Variants in SKAP1 observed in about 807,000 individuals in gnomAD.
SKAP1 encodes the protein src kinase associated phosphoprotein 1.
A neutral mutation model predicts 58.5 loss-of-function variants in SKAP1; 44 were observed. The ratio of observed to expected loss-of-function variants is 0.75; its 90% CI spans 0.59 to 0.97. The LOEUF (loss-of-function observed/expected upper bound fraction) is 0.97, where lower values mean the gene tolerates loss of function less well. Ranked by LOEUF, SKAP1 falls within the 50% of genes least tolerant of loss-of-function variation. SKAP1 has a pLI of 0.00. For missense variants in SKAP1, 390 were observed against 435.2 expected, an observed-to-expected ratio of 0.90 and a Z score of 0.92; for synonymous variants, 127 against 149.7, an observed-to-expected ratio of 0.85 and a Z score of 1.11.
chr17:48,268,329 G>A (rs2065582588), intron 4 of SKAP1, among the ~76,000 whole-genome samples: 1 of 150,512 alleles, frequency 6.6e-6, no homozygotes, highest in Non-Finnish European at 1.5e-5. Flanking sequence ...AGTCCTAAAT[G>A]ACAATTTTCT....
At chr17:48,324,347 T>G (rs1469180831) in intron 4 of SKAP1, among the ~76,000 whole-genome samples, 1 of 152,280 alleles carries the variant, frequency 6.6e-6, no homozygotes, top group East Asian at 1.9e-4. Flanking sequence ...ACCAATCCCA[T>G]GTAATTAGAC....
intron 4 of SKAP1, among the ~76,000 whole-genome samples, chr17:48,239,247 G>A (rs867985624): frequency 6.6e-6 from 1 of 152,140 alleles, no homozygotes; most frequent in South Asian, 2.1e-4. Context: ...AAAGAATTTC[G>A]ACTTGACAAT....
intron 4 of SKAP1, among the ~76,000 whole-genome samples, chr17:48,327,775 G>A (rs774472926): frequency 6.6e-6 from 1 of 152,104 alleles, no homozygotes; most frequent in Non-Finnish European, 1.5e-5. Flanking sequence ...ACAGGTGCGT[G>A]CCACCACACC....
intron 10 of SKAP1, 24 bp from the exon 11 acceptor site, chr17:48,162,593 A>G: frequency 6.4e-7 from 1 of 1,574,356 alleles, no homozygotes; most frequent in Non-Finnish European, 8.7e-7. Context: ...GGAGAAATCA[A>G]AGTTAAAAGG....
intron 4 of SKAP1, among the ~76,000 whole-genome samples, chr17:48,309,545 A>G (rs1304452946): frequency 6.6e-6 from 1 of 152,094 alleles, no homozygotes; most frequent in Non-Finnish European, 1.5e-5. Flanking sequence ...CCTTGTTTGT[A>G]TAAGGAAGGG....
At chr17:48,302,926 G>GAAT (rs2066080960) in intron 4 of SKAP1, among the ~76,000 whole-genome samples, 1 of 152,074 alleles carries the variant, frequency 6.6e-6, no homozygotes, top group Non-Finnish European at 1.5e-5. Context: ...AAATCACAGT[G>GAAT]AATAATAATT....
intron 9 of SKAP1, among the ~76,000 whole-genome samples, chr17:48,177,025 A>G (rs1252018184): frequency 6.6e-6 from 1 of 152,234 alleles, no homozygotes; most frequent in Admixed American, 6.5e-5. Flanking sequence ...AACAAATGTT[A>G]GAGGCCCACA....
intron 4 of SKAP1, among the ~76,000 whole-genome samples, chr17:48,265,521 C>T (rs577895881): frequency 1.3e-4 from 20 of 151,746 alleles, no homozygotes; most frequent in African/African-American, 4.8e-4. Context: ...AGCAAGCAAG[C>T]AAGCAAGCAA....
At chr17:48,237,437 C>A (rs1015557949) in intron 4 of SKAP1, among the ~76,000 whole-genome samples, 16 of 152,174 alleles carry the variant, frequency 1.1e-4, no homozygotes, top group African/African-American at 3.6e-4. Context: ...CTGTTCCAAA[C>A]CTATAAATCA....
chr17:48,146,113 A>G (rs1317183228), intron 11 of SKAP1, among the ~76,000 whole-genome samples: 1 of 151,944 alleles, frequency 6.6e-6, no homozygotes, highest in Non-Finnish European at 1.5e-5. Context: ...AAAAAATACA[A>G]TGGTCTTTAT....
chr17:48,342,200 G>A (rs956064367), intron 4 of SKAP1, among the ~76,000 whole-genome samples: 1 of 152,090 alleles, frequency 6.6e-6, no homozygotes, highest in South Asian at 2.1e-4. Flanking sequence ...TATGCTTTTA[G>A]TTCAGAAATC....
chr17:48,226,912 T>TG (rs1296113638), intron 4 of SKAP1, among the ~76,000 whole-genome samples: 12 of 152,210 alleles, frequency 7.9e-5, no homozygotes, highest in Admixed American at 4.6e-4. Context: ...GGCAGGTTGT[T>TG]GCGATTCCAA....
chr17:48,195,121 T>C (rs865934442), intron 4 of SKAP1, among the ~76,000 whole-genome samples: 15 of 152,196 alleles, frequency 9.9e-5, no homozygotes, highest in African/African-American at 3.6e-4. Context: ...CTGGTGATTG[T>C]GGATTTCAAA....
At chr17:48,444,773 C>T in the SKAP1 span, among the ~76,000 whole-genome samples, 1 of 152,138 alleles carries the variant, frequency 6.6e-6, no homozygotes, top group Non-Finnish European at 1.5e-5. Flanking sequence ...TCACAAAGTC[C>T]CAGCGACAGG....
At chr17:48,311,298 A>G (rs1179041422) in intron 4 of SKAP1, among the ~76,000 whole-genome samples, 2 of 152,210 alleles carry the variant, frequency 1.3e-5, no homozygotes, top group Non-Finnish European at 2.9e-5. Context: ...ACTTTTCATT[A>G]TATGTGAACA....
At chr17:48,298,498 A>G (rs1037086195) in intron 4 of SKAP1, among the ~76,000 whole-genome samples, 2 of 152,260 alleles carry the variant, frequency 1.3e-5, no homozygotes, top group Admixed American at 1.3e-4. Flanking sequence ...AAGAATAGTT[A>G]AAAGACAAAA....
intron 4 of SKAP1, among the ~76,000 whole-genome samples, chr17:48,248,523 C>T (rs954162319): frequency 6.6e-6 from 1 of 152,046 alleles, no homozygotes; most frequent in East Asian, 1.9e-4. Context: ...GCAGAGATTG[C>T]GCCGCTGCAC....
chr17:48,357,375 A>G (rs2066887985), intron 3 of SKAP1, among the ~76,000 whole-genome samples: 1 of 152,212 alleles, frequency 6.6e-6, no homozygotes, highest in South Asian at 2.1e-4. Context: ...TCACGCCTAT[A>G]ATCCCAGCAC....
intron 2 of SKAP1, among the ~76,000 whole-genome samples, chr17:48,370,384 C>T (rs540696776): frequency 6.6e-6 from 1 of 152,118 alleles, no homozygotes; most frequent in Non-Finnish European, 1.5e-5. Flanking sequence ...TGGCTTACTG[C>T]AGCCTCAACT....
Sources: gnomAD v4.1 joint callset for allele counts (sites outside exome capture counted in the v4.1 genomes callset) on GRCh38, gnomAD v4.1.1 for gene constraint, MANE v1.5 for transcripts, NCBI Gene and HGNC (gene_info 2026-07-23, HGNC 2026-07-21) for gene names.